The following PRRC2B variants were observed in gnomAD, a reference collection of about 807,000 sequenced individuals.
PRRC2B encodes the protein proline rich coiled-coil 2B.
PRRC2B carries 68 observed loss-of-function variants against 242.3 expected under a neutral mutation model. The ratio of observed to expected loss-of-function variants is 0.28; its 90% CI spans 0.23 to 0.34. The LOEUF is 0.34. PRRC2B is among the 10% of genes least tolerant of loss of function. The pLI is 1.00. For synonymous variants in PRRC2B, 1,228 were observed against 1,173.6 expected (o/e 1.05, Z -0.95); for missense variants, 2,835 against 2,954.8 (o/e 0.96, Z 0.94).
intron 1 of PRRC2B, among the ~76,000 whole-genome samples, chr9:131,413,294 G>A (rs187196560): frequency 2.2e-4 from 34 of 152,204 alleles, no homozygotes; most frequent in African/African-American, 7.9e-4. Context: ...CTAGCCAATC[G>A]GGACAGATAC....
At chr9:131,404,156 C>T (rs1837299808) in intron 1 of PRRC2B, among the ~76,000 whole-genome samples, 1 of 150,584 alleles carries the variant, frequency 6.6e-6, no homozygotes, top group Non-Finnish European at 1.5e-5. Flanking sequence ...AAAAAATATA[C>T]AGGTGTGTAA....
intron 28 of PRRC2B, chr9:131,490,959 C>T (rs1484085604): frequency 1.5e-5 from 4 of 268,114 alleles, no homozygotes; most frequent in African/African-American, 4.4e-5. Context: ...CTCTGCATCC[C>T]GAGTGTCCTG....
At position 131,487,004 on chromosome 9, in the gene PRRC2B, G is replaced by T. The variant is rs556937229; in HGVS notation, c.5857-163G>T. On this transcript the variant is annotated intron_variant, in intron 26 of 31. Coordinates refer to ENST00000683519, the MANE Select transcript of PRRC2B (RefSeq NM_013318.4). This position sits in a 1 kb window ranked among gnomAD's most constrained non-coding sequence, Gnocchi z 5.3. The stretch of plus-strand genomic sequence containing the variant: ...GGTTGCTACCAGTTTTTCATTATAG[G>T]CTTTATCCCAATAGCAAGGGAAGCC... Among the ~76,000 whole-genome samples, 1 of 152,134 alleles carries T rather than the reference G, an allele frequency of 6.6e-6. No homozygotes were observed. Among genetic ancestry groups the T allele is most frequent in the Admixed American group, 6.5e-5 (1 of 15,274 alleles).
intron 11 of PRRC2B, among the ~76,000 whole-genome samples, chr9:131,462,605 C>T (rs1055067996): frequency 2.0e-5 from 3 of 151,240 alleles, no homozygotes; most frequent in Non-Finnish European, 4.4e-5. Context: ...TTTGGGAGGC[C>T]GAGGCGGGTG....
upstream of PRRC2B, among the ~76,000 whole-genome samples, chr9:131,393,933 C>T (rs1224699945): frequency 6.6e-6 from 1 of 151,132 alleles, no homozygotes; most frequent in East Asian, 1.9e-4. Context: ...CTCGCCCGGC[C>T]CCCGGGCCGA....
At chr9:131,491,255 G>T in intron 28 of PRRC2B, 170 bp from the exon 29 acceptor site, 1 of 641,030 alleles carries the variant, frequency 1.6e-6, no homozygotes, top group Non-Finnish European at 2.5e-6. Flanking sequence ...AATCCTGGGC[G>T]ATCTCTCCTG....
chr9:131,498,824 T>G lies in PRRC2B; in HGVS notation c.*2950T>G, dbSNP rs1944396814. On this transcript the variant is annotated 3_prime_UTR_variant, in exon 32 of 32. Coordinates refer to ENST00000683519, the MANE Select transcript of PRRC2B (RefSeq NM_013318.4). ...ATGCGGCTCGTTGCTCAGCCACCAG[T>G]GGCCTTGCGGTATTGTCCACCATCC... is the stretch of plus-strand genomic sequence containing the variant. 1 of 152,176 alleles carries G rather than the reference T, an allele frequency of 6.6e-6. No individual in the cohort carries two copies. The highest frequency in any genetic ancestry group is 6.5e-5 in the Admixed American group (1 of 15,278). 9.4% of individuals were successfully genotyped at this position (152,176 alleles called of 1,614,324 possible). A position where few individuals can be genotyped will look rare whatever the true frequency, so the allele number is the denominator to read the frequency against.
At chr9:131,439,614 AC>A (rs1032544174) in intron 5 of PRRC2B, among the ~76,000 whole-genome samples, 1 of 151,740 alleles carries the variant, frequency 6.6e-6, no homozygotes, top group Non-Finnish European at 1.5e-5. Context: ...CCTGAACCTC[AC>A]CCCCAGCCTG....
At chr9:131,404,861 T>G (rs1837324676) in intron 1 of PRRC2B, among the ~76,000 whole-genome samples, 1 of 152,234 alleles carries the variant, frequency 6.6e-6, no homozygotes, top group African/African-American at 2.4e-5. Flanking sequence ...ACAATTTTGG[T>G]CAAACTGTAC....
At chr9:131,455,224 T>C in intron 10 of PRRC2B, 58 bp downstream of exon 10, 6 of 1,217,010 alleles carry the variant, frequency 4.9e-6, no homozygotes, top group Non-Finnish European at 7.1e-6. Flanking sequence ...TGTTGTTGTG[T>C]ACCCAGAGCA....
intron 1 of PRRC2B, among the ~76,000 whole-genome samples, chr9:131,398,818 A>G (rs1467770446): frequency 6.6e-6 from 1 of 152,174 alleles, no homozygotes; most frequent in Admixed American, 6.5e-5. Flanking sequence ...AATGCCTCTT[A>G]AAAGAAAAAA....
chr9:131,482,857 G>T lies in PRRC2B; in HGVS notation c.5323G>T (p.Val1775Leu). The T allele has an allele frequency of 6.2e-7, 1 of 1,608,358 alleles. No homozygotes were observed. Among genetic ancestry groups the T allele is most frequent in the South Asian group, 1.1e-5 (1 of 89,926 alleles). ...GCCTGTTAACGGGGTGGAGATTCAC[G>T]TGGACTCCGTGCTGCCTGTGCCACC... The part of the protein sequence containing the change: ...VPPVNGVEIH[V>L]DSVLPVPPIE... Residue 1775 changes from valine to leucine, a missense_variant, in exon 22 of 32, where the codon GTG becomes TTG. By Grantham distance (32) the Val-to-Leu change is conservative (BLOSUM62 1). This residue lies in a region of PRRC2B where 574 missense variants were observed against 626.0 expected (regional missense o/e 0.92). Transcript: ENST00000683519. The surrounding 1 kb of genome is among the most constrained non-coding windows in gnomAD (Gnocchi z 5.2).
intron 6 of PRRC2B, among the ~76,000 whole-genome samples, chr9:131,444,903 T>C (rs1353402841): frequency 6.6e-6 from 1 of 152,206 alleles, no homozygotes; most frequent in African/African-American, 2.4e-5. Flanking sequence ...CGAGGGTGGC[T>C]GGAGGTTAAG....
chr9:131,467,184 C>T (rs1234487149), intron 12 of PRRC2B, among the ~76,000 whole-genome samples: 1 of 152,188 alleles, frequency 6.6e-6, no homozygotes, highest in East Asian at 1.9e-4. Flanking sequence ...ATCCACCCGC[C>T]TCAGCCTCCC....
At chr9:131,466,326 A>G (rs1280618592) in intron 12 of PRRC2B, among the ~76,000 whole-genome samples, 1 of 152,182 alleles carries the variant, frequency 6.6e-6, no homozygotes, top group Non-Finnish European at 1.5e-5. Context: ...TCTGCCTGTC[A>G]GGCACTGTTT....
chr9:131,401,879 T>G (rs529765281), intron 1 of PRRC2B, among the ~76,000 whole-genome samples: 7 of 151,962 alleles, frequency 4.6e-5, no homozygotes, highest in Non-Finnish European at 7.4e-5. Flanking sequence ...CAGGCTGGTC[T>G]CGAACCCCTG....
chr9:131,463,273 T>A (rs1052825260), intron 11 of PRRC2B, among the ~76,000 whole-genome samples: 1 of 152,246 alleles, frequency 6.6e-6, no homozygotes, highest in Non-Finnish European at 1.5e-5. Context: ...TATGAGAAGT[T>A]AATTTTTAGG....
At chr9:131,378,833 G>A (rs61138877) in intron 1 of PRRC2B, among the ~76,000 whole-genome samples, 4,196 of 151,994 alleles carry the variant, frequency 0.028, 188 homozygotes, top group African/African-American at 0.096. Context: ...ATTCTCCTGC[G>A]TCAGCCTCCT....
At chr9:131,477,592 T>C (rs7025651) in intron 16 of PRRC2B, among the ~76,000 whole-genome samples, 152 bp from the exon 17 acceptor site, 133,701 of 152,232 alleles carry the variant, frequency 0.88, 59,319 homozygotes, top group South Asian at 0.97. Context: ...ATGGATGCAC[T>C]GTGGCCAGCC....
Sources: allele counts gnomAD v4.1 joint callset (sites outside exome capture counted in the v4.1 genomes callset), GRCh38; gene constraint gnomAD v4.1.1; regional missense constraint gnomAD v4.1.1; non-coding constraint Gnocchi (gnomAD v3.1); transcripts MANE v1.5; gene names NCBI Gene and HGNC (gene_info 2026-07-23, HGNC 2026-07-21).